CDH12: variants seen among roughly 807,000 people sequenced by gnomAD.
CDH12 encodes the protein cadherin-12.
A neutral mutation model predicts 74.1 loss-of-function variants in CDH12; 41 were observed. The ratio of observed to expected loss-of-function variants is 0.55; its 90% confidence interval spans 0.43 to 0.72. CDH12 has a LOEUF of 0.72. Ranked by LOEUF, CDH12 falls within the 30% of genes least tolerant of loss-of-function variation. CDH12 has a pLI of 0.00. For missense variants in CDH12, 945 were observed against 977.2 expected (o/e 0.97, Z 0.44); for synonymous variants, 399 against 355.0 (o/e 1.12, Z -1.39).
At chr5:22,271,548 C>T (rs1020865426) in intron 3 of CDH12, among the ~76,000 whole-genome samples, 16 of 152,142 alleles carry the variant, frequency 1.1e-4, no homozygotes, top group African/African-American at 3.9e-4. Context: ...ATCTTTTGCA[C>T]AAGTTTTTAT....
At chr5:22,498,797 A>C (rs1466746847) in intron 2 of CDH12, among the ~76,000 whole-genome samples, 1 of 151,604 alleles carries the variant, frequency 6.6e-6, no homozygotes, top group Non-Finnish European at 1.5e-5. Flanking sequence ...GATTAAATCA[A>C]ACTAATTATT....
intron 5 of CDH12, among the ~76,000 whole-genome samples, chr5:22,071,525 G>A (rs186407959): frequency 2.1e-4 from 32 of 151,922 alleles, no homozygotes; most frequent in African/African-American, 7.7e-4. Context: ...CTTTTTCCTG[G>A]TTTATCTTCC....
chr5:22,100,003 C>T (rs184462459), intron 4 of CDH12, among the ~76,000 whole-genome samples: 20 of 152,274 alleles, frequency 1.3e-4, no homozygotes, highest in African/African-American at 4.3e-4. Flanking sequence ...GGTTCCCACG[C>T]TGCCCCTAAT....
At chr5:21,844,349 C>CAA (rs112653308) in intron 7 of CDH12, among the ~76,000 whole-genome samples, 20 of 148,122 alleles carry the variant, frequency 1.4e-4, no homozygotes, top group South Asian at 8.5e-4. Flanking sequence ...ATTTCAACTC[C>CAA]AAAAAAAAAA....
chr5:22,232,045 T>C (rs1452999524), intron 3 of CDH12, among the ~76,000 whole-genome samples: 1 of 151,814 alleles, frequency 6.6e-6, no homozygotes, highest in Non-Finnish European at 1.5e-5. Context: ...TTAAATATAA[T>C]CTATAAGCAT....
chr5:22,761,075 GT>G (rs894980896), intron 1 of CDH12, among the ~76,000 whole-genome samples: 8 of 152,124 alleles, frequency 5.3e-5, no homozygotes, highest in African/African-American at 9.7e-5. Context: ...AGTCATAACT[GT>G]TTTTTTGTCA....
At chr5:21,986,545 T>A (rs1419199215) in intron 5 of CDH12, among the ~76,000 whole-genome samples, 1 of 152,156 alleles carries the variant, frequency 6.6e-6, no homozygotes, top group Non-Finnish European at 1.5e-5. Flanking sequence ...TTCCTACTTT[T>A]CCAACATTGT....
At chr5:22,679,394 T>A (rs1466823966) in intron 1 of CDH12, among the ~76,000 whole-genome samples, 1 of 152,112 alleles carries the variant, frequency 6.6e-6, no homozygotes, top group Non-Finnish European at 1.5e-5. Flanking sequence ...AGAAACTTAG[T>A]GTTCTTTCAC....
At chr5:21,873,271 T>C (rs562827887) in intron 6 of CDH12, among the ~76,000 whole-genome samples, 1 of 152,286 alleles carries the variant, frequency 6.6e-6, no homozygotes, top group African/African-American at 2.4e-5. Context: ...TTGGCTTAGG[T>C]CTAAAGCAAC....
At chr5:22,555,840 G>A (rs1354747126) in intron 1 of CDH12, among the ~76,000 whole-genome samples, 11 of 151,396 alleles carry the variant, frequency 7.3e-5, no homozygotes, top group Non-Finnish European at 5.9e-5. Flanking sequence ...ATGCATAATT[G>A]CATAATGCAA....
chr5:21,988,599 C>G (rs752514512), intron 5 of CDH12, among the ~76,000 whole-genome samples: 19 of 150,020 alleles, frequency 1.3e-4, no homozygotes, highest in Non-Finnish European at 2.2e-4. Context: ...TCTAGGATAT[C>G]CATGGACATT....
At chr5:21,880,616 C>CTCTCTTTCTTTCTTTCTTTCT (rs1752255658) in intron 6 of CDH12, among the ~76,000 whole-genome samples, 1 of 50,810 alleles carries the variant, frequency 2.0e-5, no homozygotes, top group African/African-American at 8.8e-5. Flanking sequence ...TCCTTCCTTC[C>CTCTCTTTCTTTCTTTCTTTCT]TTCTTTCTTT....
chr5:21,982,206 G>A (rs1006015011), intron 5 of CDH12, among the ~76,000 whole-genome samples: 26 of 152,074 alleles, frequency 1.7e-4, no homozygotes, highest in Non-Finnish European at 2.8e-4. Flanking sequence ...AAACCCCTCC[G>A]TGAGTGACAG....
At chr5:21,799,471 T>C (rs1429335448) in intron 10 of CDH12, among the ~76,000 whole-genome samples, 1 of 152,136 alleles carries the variant, frequency 6.6e-6, no homozygotes, top group Non-Finnish European at 1.5e-5. Flanking sequence ...TAAGGGTTGA[T>C]AGATTGATTA....
intron 1 of CDH12, among the ~76,000 whole-genome samples, chr5:22,529,783 A>C (rs1232400301): frequency 2.0e-5 from 3 of 152,160 alleles, no homozygotes; most frequent in African/African-American, 4.8e-5. Context: ...TGAGTGCCAG[A>C]TATTGGCAAT....
chr5:22,744,097 A>C (rs764306035), intron 1 of CDH12, among the ~76,000 whole-genome samples: 1 of 152,144 alleles, frequency 6.6e-6, no homozygotes, highest in Non-Finnish European at 1.5e-5. Flanking sequence ...CAGGGTCTCT[A>C]TGATCAAACC....
In CDH12 at chr5:21,886,385, C is replaced by T. The variant is rs1752631142; in HGVS notation, c.527-31595G>A. On this transcript the variant is annotated intron_variant, in intron 6 of 14. Coordinates refer to ENST00000382254, the MANE Select transcript of CDH12 (RefSeq NM_004061.5). ...AAATTATAAATTTTGCTCTTCTATC[C>T]TTTTTCTGGAATTCTTATTCTCAGA... 2.0e-5 allele frequency among the ~76,000 whole-genome samples: 3 copies of T among 150,782 alleles called. No individual in the cohort carries two copies. The South Asian group carries it at 6.3e-4, about 32-fold the overall frequency.
chr5:22,047,638 G>T (rs1478640726), intron 5 of CDH12, among the ~76,000 whole-genome samples: 1 of 151,964 alleles, frequency 6.6e-6, no homozygotes, highest in African/African-American at 2.4e-5. Context: ...ACACATGAAG[G>T]TGCTGGCATC....
At chr5:22,119,866 T>G (rs1217784425) in intron 4 of CDH12, among the ~76,000 whole-genome samples, 1 of 152,140 alleles carries the variant, frequency 6.6e-6, no homozygotes, top group Non-Finnish European at 1.5e-5. Flanking sequence ...ATAAGTGATT[T>G]CCATTGTTAA....
Sources: allele counts gnomAD v4.1 joint callset (sites outside exome capture counted in the v4.1 genomes callset), GRCh38; gene constraint gnomAD v4.1.1; transcripts MANE v1.5; gene names NCBI Gene and HGNC (gene_info 2026-07-23, HGNC 2026-07-21).